Variants in KCNQ3 observed in about 807,000 individuals in gnomAD.
The protein encoded by KCNQ3 is potassium voltage-gated channel subfamily KQT member 3.
In KCNQ3, 30 loss-of-function variants were observed where a neutral mutation model predicts 92.5. The ratio of observed to expected loss-of-function variants is 0.32; its 90% CI spans 0.24 to 0.44. KCNQ3 has a LOEUF of 0.44. KCNQ3 is among the 20% of genes least tolerant of loss of function. The pLI is 1.00. For synonymous variants in KCNQ3, 450 were observed against 468.8 expected (o/e 0.96, Z 0.52); for missense variants, 913 against 1,140.3 (o/e 0.80, Z 2.87).
At chr8:132,245,327 G>A (rs1405819463) in intron 1 of KCNQ3, among the ~76,000 whole-genome samples, 1 of 152,138 alleles carries the variant, frequency 6.6e-6, no homozygotes, top group Admixed American at 6.5e-5. Flanking sequence ...TTGTAGGCCT[G>A]TTGTTCAGTG....
intron 1 of KCNQ3, among the ~76,000 whole-genome samples, chr8:132,411,478 C>T (rs931406049): frequency 6.6e-6 from 1 of 152,102 alleles, no homozygotes; most frequent in Non-Finnish European, 1.5e-5. Context: ...GGTGTGGCAG[C>T]TTAAGAAGCA....
chr8:132,419,219 T>G (rs114986752), intron 1 of KCNQ3, among the ~76,000 whole-genome samples: 2,625 of 152,262 alleles, frequency 0.017, 74 homozygotes, highest in African/African-American at 0.059. Context: ...TGAACAACAG[T>G]GTTCTCTCAC....
chr8:132,207,405 A>G (rs922818971), intron 1 of KCNQ3, among the ~76,000 whole-genome samples: 1 of 152,260 alleles, frequency 6.6e-6, no homozygotes, highest in African/African-American at 2.4e-5. Flanking sequence ...ATTGTGCCAA[A>G]GGACTAAGCC....
chr8:132,235,780 G>T (rs2130387515), intron 1 of KCNQ3, among the ~76,000 whole-genome samples: 1 of 152,256 alleles, frequency 6.6e-6, no homozygotes, highest in South Asian at 2.1e-4. Flanking sequence ...TGGCTCCTTT[G>T]CATCATTTAG....
intron 1 of KCNQ3, among the ~76,000 whole-genome samples, chr8:132,467,971 T>C (rs1321889697): frequency 2.6e-5 from 4 of 152,332 alleles, no homozygotes; most frequent in East Asian, 1.9e-4. Context: ...AAGTTTCAAA[T>C]GGCCCTGGGC....
chr8:132,171,810 C>T (rs1276304509), intron 7 of KCNQ3, among the ~76,000 whole-genome samples: 3 of 152,010 alleles, frequency 2.0e-5, no homozygotes, highest in African/African-American at 7.2e-5. Flanking sequence ...GAGAAGAAAG[C>T]CTAGTGCAGC....
In KCNQ3 at chr8:132,480,308, G is replaced by C. The variant is rs138254004; in HGVS notation, c.225C>G (p.Asp75Glu). The part of the protein sequence containing the change: ...GTLLLEGGGR[D>E]EGQRRTPQGI... ...CCTGCGGGGTCCTCCGCTGCCCCTC[G>C]TCGCGGCCGCCGCCCTCCAGCAGCA... The change falls in exon 1 of 15, where the codon GAC becomes GAG. Residue 75 changes from aspartate to glutamate, a missense_variant. Physicochemically the swap from Asp to Glu is conservative, Grantham distance 45 (BLOSUM62 2). Around this residue, in one of 6 missense-constraint regions of KCNQ3, gnomAD observed 183 missense variants for 167.7 expected, o/e 1.09. Transcript: ENST00000388996. 572 of 1,602,602 alleles carry C rather than the reference G, an allele frequency of 3.6e-4. No individual in the cohort carries two copies. Among genetic ancestry groups the C allele is most frequent in the Non-Finnish European group, 4.5e-4 (525 of 1,175,224 alleles).
intron 1 of KCNQ3, among the ~76,000 whole-genome samples, chr8:132,296,562 CCA>C (rs1414461390): frequency 6.6e-6 from 1 of 151,924 alleles, no homozygotes; most frequent in Admixed American, 6.6e-5. Context: ...ACAACAGTCC[CCA>C]GAGTGTGATG....
At chr8:132,236,355 C>T (rs991896726) in intron 1 of KCNQ3, among the ~76,000 whole-genome samples, 13 of 152,112 alleles carry the variant, frequency 8.5e-5, no homozygotes, top group East Asian at 1.9e-4. Flanking sequence ...TCCAAACACA[C>T]GAAGCAAACA....
chr8:132,194,847 A>G (rs879317501), intron 1 of KCNQ3, among the ~76,000 whole-genome samples: 4 of 152,220 alleles, frequency 2.6e-5, no homozygotes, highest in Non-Finnish European at 5.9e-5. Flanking sequence ...TGATTTGCTT[A>G]TGGCTACAAA....
At chr8:132,168,598 T>G (rs912383763) in intron 8 of KCNQ3, among the ~76,000 whole-genome samples, 1 of 152,142 alleles carries the variant, frequency 6.6e-6, no homozygotes, top group South Asian at 2.1e-4. Context: ...GGTTTTGGAC[T>G]TTCTTTACTT....
At chr8:132,143,445 T>C (rs1340801183) in intron 9 of KCNQ3, among the ~76,000 whole-genome samples, 1 of 152,164 alleles carries the variant, frequency 6.6e-6, no homozygotes, top group African/African-American at 2.4e-5. Context: ...TGCCTGGCTA[T>C]CTTTGAACAC....
intron 1 of KCNQ3, among the ~76,000 whole-genome samples, chr8:132,221,533 T>C (rs2130339466): frequency 6.6e-6 from 1 of 152,364 alleles, no homozygotes; most frequent in Middle Eastern, 3.4e-3. Flanking sequence ...TGGTATCTCA[T>C]TGTGGTTTTG....
At chr8:132,288,707 T>C (rs970492602) in intron 1 of KCNQ3, among the ~76,000 whole-genome samples, 5 of 152,186 alleles carry the variant, frequency 3.3e-5, no homozygotes, top group Admixed American at 2.0e-4. Flanking sequence ...TTCTCTTACA[T>C]GTCTATTTTG....
At chr8:132,195,481 A>C (rs1453160599) in intron 1 of KCNQ3, among the ~76,000 whole-genome samples, 1 of 152,204 alleles carries the variant, frequency 6.6e-6, no homozygotes, top group Non-Finnish European at 1.5e-5. Flanking sequence ...TCTGAGCTGG[A>C]AAGAGGCAGC....
At chr8:132,298,677 G>A (rs1227402940) in intron 1 of KCNQ3, among the ~76,000 whole-genome samples, 1 of 152,204 alleles carries the variant, frequency 6.6e-6, no homozygotes, top group Admixed American at 6.5e-5. Flanking sequence ...GGAGGCCAAG[G>A]CAGGCGATCA....
intron 12 of KCNQ3, among the ~76,000 whole-genome samples, chr8:132,135,675 A>G (rs1017235980): frequency 1.3e-5 from 2 of 152,086 alleles, no homozygotes; most frequent in African/African-American, 4.8e-5. Context: ...TGCCTTAGAC[A>G]TCATGCTTCA....
chr8:132,271,930 G>C (rs1413506246), intron 1 of KCNQ3, among the ~76,000 whole-genome samples: 1 of 152,194 alleles, frequency 6.6e-6, no homozygotes, highest in African/African-American at 2.4e-5. Flanking sequence ...TGTGTACCCT[G>C]TTAGATGGTA....
In KCNQ3 at chr8:132,126,035, T is replaced by C. The variant is rs1258158915; in HGVS notation, c.*3227A>G. ...TTGTGAAGTTGATTTATCTAATTCATTTTGATCTTGCTAAAATATGACCTT... is the reference window on the plus strand; with the variant it reads ...TTGTGAAGTTGATTTATCTAATTCACTTTGATCTTGCTAAAATATGACCTT... On this transcript the variant is annotated 3_prime_UTR_variant, in exon 15 of 15. Coordinates refer to ENST00000388996, the MANE Select transcript of KCNQ3 (RefSeq NM_004519.4). 1 of 152,236 alleles carries C rather than the reference T, an allele frequency of 6.6e-6. No individual in the cohort carries two copies. The highest frequency in any genetic ancestry group is 1.5e-5 in the Non-Finnish European group (1 of 68,050). The allele number at this position is 152,236 out of a possible 1,614,324, so 9.4% of individuals were successfully genotyped here.
Sources: gnomAD v4.1 joint callset for allele counts (sites outside exome capture counted in the v4.1 genomes callset) on GRCh38, gnomAD v4.1.1 for gene constraint, gnomAD v4.1.1 regional missense constraint, MANE v1.5 for transcripts, NCBI Gene and HGNC (gene_info 2026-07-23, HGNC 2026-07-21) for gene names.